The following ADGRB3 variants were observed in gnomAD, a reference collection of about 807,000 sequenced individuals.
The protein encoded by ADGRB3 is adhesion G protein-coupled receptor B3.
A neutral mutation model predicts 193.4 loss-of-function variants in ADGRB3; 37 were observed. That is an observed-to-expected ratio of 0.19 (90% confidence interval 0.15 to 0.25). ADGRB3 has a LOEUF of 0.25. Ranked by LOEUF, ADGRB3 falls within the 10% of genes least tolerant of loss-of-function variation. ADGRB3 has a pLI of 1.00. For missense variants in ADGRB3, 1,637 were observed against 1,852.9 expected (o/e 0.88, Z 2.14); for synonymous variants, 690 against 644.2 (o/e 1.07, Z -1.08).
rs7760069 is a variant in ADGRB3, at chr6:68,762,527, A to G, written c.757+123095A>G. On this transcript the variant is annotated intron_variant, in intron 3 of 31. Coordinates refer to ENST00000370598, the MANE Select transcript of ADGRB3 (RefSeq NM_001704.3). ...AGAGAGAGAGTGATAGAGGTGACCA[A>G]ATAAATTAGTGAAACAAAGAATTGT... 1.9e-3 allele frequency among the ~76,000 whole-genome samples: 285 copies of G among 152,180 alleles called. 3 individuals carry two copies. The highest frequency in any genetic ancestry group is 6.6e-3 in the African/African-American group (275 of 41,564).
intron 8 of ADGRB3, among the ~76,000 whole-genome samples, chr6:68,958,140 G>A (rs2150257477): frequency 6.6e-6 from 1 of 152,192 alleles, no homozygotes; most frequent in African/African-American, 2.4e-5. Flanking sequence ...GGTGGAGGTT[G>A]CAGTTAGCCG....
chr6:69,302,757 T>G (rs1418554176), intron 20 of ADGRB3, among the ~76,000 whole-genome samples: 1 of 151,974 alleles, frequency 6.6e-6, no homozygotes, highest in African/African-American at 2.4e-5. Flanking sequence ...GCCATCATTT[T>G]TATAGAAAAA....
At chr6:68,636,426 T>G (rs1187971548) in intron 1 of ADGRB3, among the ~76,000 whole-genome samples, 1 of 148,440 alleles carries the variant, frequency 6.7e-6, no homozygotes, top group Non-Finnish European at 1.5e-5. Context: ...TCAATGCTGG[T>G]TTGCTTCTCA....
At chr6:69,133,362 A>G (rs889914089) in intron 17 of ADGRB3, among the ~76,000 whole-genome samples, 3 of 152,148 alleles carry the variant, frequency 2.0e-5, no homozygotes, top group Non-Finnish European at 4.4e-5. Context: ...TTGTATTACT[A>G]GGTATTTTAT....
At chr6:69,298,824 A>G (rs1767890963) in intron 20 of ADGRB3, among the ~76,000 whole-genome samples, 1 of 152,026 alleles carries the variant, frequency 6.6e-6, no homozygotes, top group South Asian at 2.1e-4. Context: ...GCTATAGTGA[A>G]TAGTGCTGCA....
At chr6:68,655,973 C>G (rs1004457135) in intron 3 of ADGRB3, among the ~76,000 whole-genome samples, 1 of 151,518 alleles carries the variant, frequency 6.6e-6, no homozygotes, top group African/African-American at 2.4e-5. Flanking sequence ...TTAAAAATCT[C>G]TATTCTGATT....
chr6:68,646,918 G>A (rs1234238569), intron 3 of ADGRB3, among the ~76,000 whole-genome samples: 1 of 152,168 alleles, frequency 6.6e-6, no homozygotes, highest in African/African-American at 2.4e-5. Flanking sequence ...AATCTACTGA[G>A]TGCTTGATGT....
At chr6:68,689,675 T>A (rs1337823720) in intron 3 of ADGRB3, among the ~76,000 whole-genome samples, 4 of 152,058 alleles carry the variant, frequency 2.6e-5, no homozygotes, top group Non-Finnish European at 4.4e-5. Flanking sequence ...GTTTGTTTGT[T>A]TTTGTTTTTT....
chr6:69,111,103 T>A (rs1364153658), intron 17 of ADGRB3, among the ~76,000 whole-genome samples: 2 of 152,250 alleles, frequency 1.3e-5, no homozygotes, highest in African/African-American at 4.8e-5. Flanking sequence ...TATATCTCAC[T>A]GAATCACATT....
chr6:68,939,946 G>A (rs1437181746), intron 5 of ADGRB3, among the ~76,000 whole-genome samples: 2 of 152,148 alleles, frequency 1.3e-5, no homozygotes, highest in Non-Finnish European at 2.9e-5. Flanking sequence ...CACAAAATGT[G>A]TGGAGTTATA....
At chr6:68,672,607 C>A (rs117464800) in intron 3 of ADGRB3, among the ~76,000 whole-genome samples, 3,383 of 152,000 alleles carry the variant, frequency 0.022, 65 homozygotes, top group South Asian at 0.074. Flanking sequence ...GCCTGGTATA[C>A]AGGAGTGCGC....
rs184291828 is a variant in ADGRB3, at chr6:69,259,565, G to A, written c.2814+20339G>A. On this transcript the variant is annotated intron_variant, in intron 20 of 31. Coordinates refer to ENST00000370598, the MANE Select transcript of ADGRB3 (RefSeq NM_001704.3). ...CAAAAAAATAGCCGGGCTTGGTGGC[G>A]GGCACCTGTAGTCCCAGCTACTCGG... Among the ~76,000 whole-genome samples the A allele has an allele frequency of 3.7e-3, 565 of 151,728 alleles. 2 individuals carry two copies. The highest frequency in any genetic ancestry group is 0.03 in the South Asian group (146 of 4,804).
chr6:69,298,981 G>A (rs1258877386), intron 20 of ADGRB3, among the ~76,000 whole-genome samples: 3 of 151,732 alleles, frequency 2.0e-5, no homozygotes, highest in African/African-American at 4.8e-5. Flanking sequence ...GTGGCTGCAC[G>A]AATTTACACT....
In ADGRB3 at chr6:69,324,956, T is replaced by C. The variant is rs1366833446; in HGVS notation, c.2899T>C (p.Tyr967His). 6.2e-7 allele frequency: 1 copy of C among 1,613,992 alleles called. No individual in the cohort carries two copies. Among genetic ancestry groups the C allele is most frequent in the Non-Finnish European group, 8.5e-7 (1 of 1,179,906 alleles). ...CWVLTEAWQSYMAVTGKIRTR... is the reference protein window; with the variant it reads ...CWVLTEAWQSHMAVTGKIRTR... ...GGTTTTGACTGAGGCGTGGCAATCA[T>C]ATATGGCTGTAACTGGAAAAATTAG... is the stretch of plus-strand genomic sequence containing the variant. The change falls in exon 21 of 32, where the codon TAT becomes CAT. Residue 967 changes from tyrosine (Y) to histidine (H), a missense_variant. Transcript: ENST00000370598.
At chr6:69,261,331 G>A (rs904202187) in intron 20 of ADGRB3, among the ~76,000 whole-genome samples, 1 of 151,926 alleles carries the variant, frequency 6.6e-6, no homozygotes, top group African/African-American at 2.4e-5. Flanking sequence ...TTTATAAGCA[G>A]AATGAAAAAA....
At chr6:68,682,485 A>G (rs1764913164) in intron 3 of ADGRB3, among the ~76,000 whole-genome samples, 2 of 152,220 alleles carry the variant, frequency 1.3e-5, no homozygotes, top group Admixed American at 6.5e-5. Context: ...TGCACAAGTT[A>G]TTTGGCAAGA....
At chr6:69,101,944 C>A (rs1306254496) in intron 17 of ADGRB3, among the ~76,000 whole-genome samples, 1 of 152,044 alleles carries the variant, frequency 6.6e-6, no homozygotes, top group East Asian at 1.9e-4. Context: ...AATCCCAGCA[C>A]TTTGGGAGGC....
chr6:69,120,863 TAGA>T (rs1347513413), intron 17 of ADGRB3, among the ~76,000 whole-genome samples: 4 of 152,186 alleles, frequency 2.6e-5, no homozygotes, highest in African/African-American at 4.8e-5. Flanking sequence ...TGTGACACAG[TAGA>T]AGGAGTGGCT....
intron 30 of ADGRB3, among the ~76,000 whole-genome samples, chr6:69,381,620 T>G (rs1419334190): frequency 6.6e-6 from 1 of 151,988 alleles, no homozygotes; most frequent in Non-Finnish European, 1.5e-5. Context: ...TTTGTCCTTT[T>G]CCTTTTCCTC....
Sources: gnomAD v4.1 joint callset for allele counts (sites outside exome capture counted in the v4.1 genomes callset) on GRCh38, gnomAD v4.1.1 for gene constraint, MANE v1.5 for transcripts, NCBI Gene and HGNC (gene_info 2026-07-23, HGNC 2026-07-21) for gene names.